The following IRS1 variants were observed in gnomAD, a reference collection of about 807,000 sequenced individuals.
The protein encoded by IRS1 is insulin receptor substrate 1.
In IRS1, 34 loss-of-function variants were observed where a neutral mutation model predicts 65.6. That is an observed-to-expected ratio of 0.52 (90% CI 0.39 to 0.69). The LOEUF (loss-of-function observed/expected upper bound fraction) is 0.69. Ranked by LOEUF, IRS1 falls within the 30% of genes least tolerant of loss-of-function variation. The pLI, the probability that IRS1 is intolerant of heterozygous loss-of-function variation, is 0.00. For missense variants in IRS1, 1,641 were observed against 1,720.2 expected (o/e 0.95, Z 0.81); for synonymous variants, 699 against 683.5 (o/e 1.02, Z -0.35).
chr2:226,762,732 C>T (rs1938941819), intron 1 of IRS1, among the ~76,000 whole-genome samples: 1 of 152,112 alleles, frequency 6.6e-6, no homozygotes, highest in Admixed American at 6.5e-5. Flanking sequence ...GCAGTTTTTG[C>T]CATTACTTTT....
At chr2:226,789,808 G>A (rs1939554340) in intron 1 of IRS1, among the ~76,000 whole-genome samples, 1 of 152,196 alleles carries the variant, frequency 6.6e-6, no homozygotes, top group Non-Finnish European at 1.5e-5. Flanking sequence ...AGGAAGAGGA[G>A]CATAATTCAG....
chr2:226,796,967 G>A lies in IRS1; in HGVS notation c.1772C>T (p.Pro591Leu), dbSNP rs765137973. The change falls in exon 1 of 2, where the codon CCC (proline) becomes CTC (leucine). Residue 591 changes from proline (P) to leucine (L), a missense_variant. Pro to Leu is a moderately conservative substitution (Grantham distance 98). This residue lies in a region of IRS1 where 1,324 missense variants were observed against 1,361.0 expected (regional missense o/e 0.97). Coordinates refer to ENST00000305123, the MANE Select transcript of IRS1 (RefSeq NM_005544.3). ...SYPEEGLEMH[P>L]LERRGGHHRP... ...GTGGTGCCCCCCCCGACGCTCCAAG[G>A]GGTGCATTTCCAGACCCTCCTCTGG... 8 of 1,576,982 alleles carry A rather than the reference G, an allele frequency of 5.1e-6. No homozygotes were observed. Among genetic ancestry groups the A allele is most frequent in the Non-Finnish European group, 4.3e-6 (5 of 1,157,962 alleles).
chr2:226,745,944 A>C (rs1013872383), intron 1 of IRS1, among the ~76,000 whole-genome samples: 1 of 152,246 alleles, frequency 6.6e-6, no homozygotes, highest in African/African-American at 2.4e-5. Context: ...AGAAAAAGTA[A>C]AAGTAGCAGT....
chr2:226,776,955 A>C (rs1438312571), intron 1 of IRS1, among the ~76,000 whole-genome samples: 2 of 152,184 alleles, frequency 1.3e-5, no homozygotes, highest in Non-Finnish European at 2.9e-5. Flanking sequence ...GAAAAACATC[A>C]GACAAATCCC....
intron 1 of IRS1, among the ~76,000 whole-genome samples, chr2:226,792,654 C>T (rs1368352705): frequency 1.8e-4 from 27 of 152,176 alleles, no homozygotes; most frequent in Admixed American, 1.8e-3. Flanking sequence ...TTCAACAGAG[C>T]CCACGCCTCA....
chr2:226,789,964 T>C (rs1003285109), intron 1 of IRS1, among the ~76,000 whole-genome samples: 2 of 152,144 alleles, frequency 1.3e-5, no homozygotes, highest in South Asian at 4.1e-4. Flanking sequence ...CCCCAGTCTG[T>C]CCATAAAGAA....
intron 1 of IRS1, among the ~76,000 whole-genome samples, chr2:226,754,051 A>C (rs1252461148): frequency 6.6e-6 from 1 of 152,178 alleles, no homozygotes; most frequent in Non-Finnish European, 1.5e-5. Context: ...ATGGGGTCTC[A>C]GCACGTTGGC....
At chr2:226,738,806 G>C (rs1176170505) in intron 1 of IRS1, among the ~76,000 whole-genome samples, 1 of 152,176 alleles carries the variant, frequency 6.6e-6, no homozygotes, top group Non-Finnish European at 1.5e-5. Context: ...AGGCAGGAAG[G>C]CCACACTTTA....
intron 1 of IRS1, among the ~76,000 whole-genome samples, chr2:226,766,121 T>TTTTATATATATATATA (rs1491160572): frequency 7.0e-5 from 1 of 14,246 alleles, no homozygotes; most frequent in African/African-American, 2.6e-4. Context: ...TCTCTTAATC[T>TTTTATATATATATATA]TATATATATA....
At chr2:226,773,017 C>T (rs931332405) in intron 1 of IRS1, among the ~76,000 whole-genome samples, 1 of 152,170 alleles carries the variant, frequency 6.6e-6, no homozygotes, top group African/African-American at 2.4e-5. Flanking sequence ...AATACCAATT[C>T]CTTTTAGGCT....
chr2:226,737,943 C>T (rs1239481055), intron 1 of IRS1, among the ~76,000 whole-genome samples: 1 of 152,088 alleles, frequency 6.6e-6, no homozygotes, highest in Non-Finnish European at 1.5e-5. Context: ...TGACAAGGTC[C>T]TACAGGGTGA....
Position 226,796,122 on chromosome 2 carries a change from G to C in IRS1, c.2617C>G (p.Arg873Gly), listed in dbSNP as rs376286000. Residue 873 changes from arginine to glycine, a missense_variant, in exon 1 of 2, where the codon CGG becomes GGG. Transcript: ENST00000305123. ...TGCTGCTGCTGCTGCTCTCGGGCCC[G>C]AGGTAAGGTGCTGGCCTTGGGATCC... ...LGDPKASTLP[R>G]AREQQQQQQP... The C allele has an allele frequency of 2.5e-6, 4 of 1,613,632 alleles. No homozygotes were observed. Among genetic ancestry groups the C allele is most frequent in the East Asian group, 4.5e-5 (2 of 44,854 alleles).
At chr2:226,762,257 G>A (rs1040452752) in intron 1 of IRS1, among the ~76,000 whole-genome samples, 2 of 151,236 alleles carry the variant, frequency 1.3e-5, no homozygotes, top group Non-Finnish European at 2.9e-5. Context: ...AATTCTTTGG[G>A]AAGTTATCAT....
intron 1 of IRS1, among the ~76,000 whole-genome samples, chr2:226,767,550 T>C (rs1413684431): frequency 6.6e-6 from 1 of 152,190 alleles, no homozygotes; most frequent in Non-Finnish European, 1.5e-5. Flanking sequence ...ACACATGTCT[T>C]GCAAGGAATG....
intron 1 of IRS1, among the ~76,000 whole-genome samples, chr2:226,745,501 C>A (rs1938522426): frequency 6.6e-6 from 1 of 152,190 alleles, no homozygotes; most frequent in African/African-American, 2.4e-5. Flanking sequence ...GAAACTAAGA[C>A]AAGTTCCATT....
At chr2:226,789,696 T>C (rs960569650) in intron 1 of IRS1, among the ~76,000 whole-genome samples, 39 of 152,270 alleles carry the variant, frequency 2.6e-4, no homozygotes, top group African/African-American at 9.4e-4. Context: ...GCTTACTCTA[T>C]AGTGTGGGGA....
chr2:226,795,794 A>C lies in IRS1; in HGVS notation c.2945T>G (p.Val982Gly). The C allele has an allele frequency of 6.2e-7, 1 of 1,613,202 alleles. No homozygotes were observed. Residue 982 changes from valine (V) to glycine (G), a missense_variant, in exon 1 of 2, where the codon GTG becomes GGG. Val to Gly is a moderately radical substitution (Grantham distance 109, BLOSUM62 -3). Around this residue, in one of 3 missense-constraint regions of IRS1, gnomAD observed 1,324 missense variants for 1,361.0 expected, o/e 0.97. Transcript: ENST00000305123. Reference sequence around the variant, plus strand: ...CATGTAGTCACCCCGGCTGCTGGGCACTGCCCGGGTAGGCCTGCAAATGCT... The same window carrying C: ...CATGTAGTCACCCCGGCTGCTGGGCCCTGCCCGGGTAGGCCTGCAAATGCT... ...AASICRPTRA[V>G]PSSRGDYMTM...
At chr2:226,740,636 T>C (rs1938418540) in intron 1 of IRS1, among the ~76,000 whole-genome samples, 1 of 152,246 alleles carries the variant, frequency 6.6e-6, no homozygotes, top group African/African-American at 2.4e-5. Flanking sequence ...ACAAATGTTT[T>C]CATCCTGTAT....
chr2:226,780,265 G>T (rs960765254), intron 1 of IRS1, among the ~76,000 whole-genome samples: 2 of 152,104 alleles, frequency 1.3e-5, no homozygotes, highest in Non-Finnish European at 2.9e-5. Flanking sequence ...GGTGGCAGGT[G>T]CCTGTAATCC....
Sources: gnomAD v4.1 joint callset for allele counts (sites outside exome capture counted in the v4.1 genomes callset) on GRCh38, gnomAD v4.1.1 for gene constraint, gnomAD v4.1.1 regional missense constraint, MANE v1.5 for transcripts, NCBI Gene and HGNC (gene_info 2026-07-23, HGNC 2026-07-21) for gene names.